Variants in WHRN observed in about 807,000 individuals in gnomAD.
The protein encoded by WHRN is whirlin.
In WHRN, 41 loss-of-function variants were observed where a neutral mutation model predicts 68.3. The observed-to-expected ratio is 0.60, with a 90% CI of 0.47 to 0.78. The LOEUF (loss-of-function observed/expected upper bound fraction) is 0.78. Among genes scored for constraint, WHRN ranks in the 30% least tolerant of loss-of-function variants. WHRN has a pLI of 0.00. For missense variants in WHRN, 1,243 were observed against 1,244.7 expected, an observed-to-expected ratio of 1.00 and a Z score of 0.02; for synonymous variants, 560 against 561.3, an observed-to-expected ratio of 1.00 and a Z score of 0.03.
At chr9:114,428,869 C>G (rs1837141435) in intron 3 of WHRN, among the ~76,000 whole-genome samples, 1 of 152,108 alleles carries the variant, frequency 6.6e-6, no homozygotes, top group Non-Finnish European at 1.5e-5. Flanking sequence ...CGTGAGCGAG[C>G]TAGCATCCTC....
At chr9:114,478,265 G>A (rs946128945) in intron 2 of WHRN, 6 of 663,166 alleles carry the variant, frequency 9.0e-6, no homozygotes, top group East Asian at 2.7e-5. Flanking sequence ...TCCAGCCTGG[G>A]CGACAGAGTG....
rs1840694003 is a variant in WHRN at position 114,466,374 on chromosome 9, C to T, written c.856G>A (p.Asp286Asn). The T allele has an allele frequency of 1.9e-6, 3 of 1,613,918 alleles. No homozygotes were observed. Among genetic ancestry groups the T allele is most frequent in the African/African-American group, 1.3e-5 (1 of 74,936 alleles). ...ATCGTGAGGCCCAGGGACCGGCCGTCCCCCAGCACCAGGTTCACCTGTCAG... is the reference window on the plus strand; with the variant it reads ...ATCGTGAGGCCCAGGGACCGGCCGTTCCCCAGCACCAGGTTCACCTGTCAG... ...DEKKVNLVLG[D>N]GRSLGLTIRG... is the part of the protein sequence containing the mutation. The change falls in exon 3 of 12, where the codon GAC becomes AAC. Residue 286 changes from aspartate (D) to asparagine (N), a missense_variant. Physicochemically the swap from Asp to Asn is conservative, Grantham distance 23 (BLOSUM62 1). Coordinates refer to ENST00000362057, the MANE Select transcript of WHRN (RefSeq NM_015404.4).
rs765079930 is a variant in WHRN, at chr9:114,403,244, C to A, written c.2514G>T (p.Gln838His). 2.0e-5 allele frequency: 32 copies of A among 1,614,078 alleles called. No individual in the cohort carries two copies. Among genetic ancestry groups the A allele is most frequent in the Non-Finnish European group, 2.5e-5 (30 of 1,180,038 alleles). The part of the protein sequence containing the change: ...IAIEGGANTR[Q>H]PLPRIVTIQR... Reference sequence around the variant, plus strand: ...GAATAGTGACAATCCTAGGCAGGGGCTGGCGGGTGTTGGCGCCACCCTCGA... The same window carrying A: ...GAATAGTGACAATCCTAGGCAGGGGATGGCGGGTGTTGGCGCCACCCTCGA... The change falls in exon 11 of 12, where the codon CAG becomes CAT. Residue 838 changes from glutamine (Q) to histidine (H), a missense_variant. Gln to His is a conservative substitution (Grantham distance 24). Coordinates refer to ENST00000362057, the MANE Select transcript of WHRN (RefSeq NM_015404.4).
intron 1 of WHRN, among the ~76,000 whole-genome samples, chr9:114,481,503 G>C (rs1842091608): frequency 6.6e-6 from 1 of 152,162 alleles, no homozygotes; most frequent in South Asian, 2.1e-4. Flanking sequence ...GAGCAAAGTG[G>C]AAAGTGGTTC....
intron 1 of WHRN, among the ~76,000 whole-genome samples, chr9:114,490,537 T>C (rs1842893315): frequency 7.4e-6 from 1 of 135,808 alleles, no homozygotes; most frequent in Non-Finnish European, 1.6e-5. Context: ...TTAAAAAAGA[T>C]ATAAAAACCA....
Position 114,504,169 on chromosome 9 carries a change from A to C in WHRN, c.618+15T>G. On this transcript the variant is annotated intron_variant, in intron 1 of 11. Coordinates refer to ENST00000362057, the MANE Select transcript of WHRN (RefSeq NM_015404.4). ...CCATACTCTGCCCCAGACTCTCTCC[A>C]AACCACAGCCTTACCTTGACGGCCT... 1 of 1,613,930 alleles carries C rather than the reference A, an allele frequency of 6.2e-7. No individual in the cohort carries two copies. The highest frequency in any genetic ancestry group is 8.5e-7 in the Non-Finnish European group (1 of 1,180,016).
chr9:114,464,156 T>A (rs1427320385), intron 3 of WHRN, among the ~76,000 whole-genome samples: 2 of 152,202 alleles, frequency 1.3e-5, no homozygotes, highest in Non-Finnish European at 2.9e-5. Context: ...CAACAGAACC[T>A]ACTTTCACGG....
chr9:114,411,906 G>C (rs1835466170), intron 7 of WHRN, among the ~76,000 whole-genome samples: 1 of 152,186 alleles, frequency 6.6e-6, no homozygotes, highest in South Asian at 2.1e-4. Context: ...ACAGGGCCTT[G>C]ATGTCATAGG....
At chr9:114,478,876 G>A (rs1423920170) in intron 1 of WHRN, 105 bp from the exon 2 acceptor site, 12 of 1,081,946 alleles carry the variant, frequency 1.1e-5, no homozygotes, top group Non-Finnish European at 1.5e-5. Flanking sequence ...GCCCCACATG[G>A]AAGAAGAGGC....
intron 2 of WHRN, among the ~76,000 whole-genome samples, chr9:114,473,845 A>G (rs1841441882): frequency 6.6e-6 from 1 of 152,226 alleles, no homozygotes; most frequent in African/African-American, 2.4e-5. Context: ...CTTCACAGTC[A>G]GAACTCAAGA....
At position 114,414,482 on chromosome 9, in the gene WHRN, C is replaced by T. The variant is rs544393261; in HGVS notation, c.1627-6464G>A. On this transcript the variant is annotated intron_variant, in intron 7 of 11. Transcript: ENST00000362057. ...GTCTATGGCACAGAAATGAGGAAGA[C>T]CCCCAGTCCTAAGTCAGTGCTTTGT... Among the ~76,000 whole-genome samples, 9 of 152,312 alleles carry T rather than the reference C, an allele frequency of 5.9e-5. No homozygotes were observed. In the South Asian group the frequency reaches 1.9e-3, roughly 32 times the overall value.
chr9:114,422,538 G>A (rs1195390462), intron 7 of WHRN, among the ~76,000 whole-genome samples: 1 of 152,198 alleles, frequency 6.6e-6, no homozygotes, highest in African/African-American at 2.4e-5. Context: ...GAGTCTGCAA[G>A]AGAGTCACGC....
rs578143135 is a variant in WHRN, at chr9:114,402,570, G to C, written c.*184C>G. 2.6e-6 allele frequency: 2 copies of C among 756,536 alleles called. No homozygotes were observed. The highest frequency in any genetic ancestry group is 5.3e-5 in the East Asian group (2 of 37,716). The allele number at this position is 756,536 out of a possible 1,614,324, so 46.9% of individuals were successfully genotyped here. On this transcript the variant is annotated 3_prime_UTR_variant, in exon 12 of 12. Transcript: ENST00000362057. ...GCACCAGTTCCTGACCTGACCTTCT[G>C]TCTGCCTTGTCCTGCTCTCTTCCTC...
At chr9:114,424,577 T>A in intron 5 of WHRN, 31 bp from the exon 6 acceptor site, 1 of 1,578,454 alleles carries the variant, frequency 6.3e-7, no homozygotes, top group East Asian at 2.4e-5. Context: ...AGCCCAGGAA[T>A]TCTTAGCTGC....
At chr9:114,467,840 G>A (rs983120249) in intron 2 of WHRN, among the ~76,000 whole-genome samples, 6 of 152,180 alleles carry the variant, frequency 3.9e-5, no homozygotes, top group African/African-American at 9.7e-5. Context: ...CCCAGTGACA[G>A]GTAAGGGATC....
intron 3 of WHRN, among the ~76,000 whole-genome samples, chr9:114,463,656 T>C (rs2132913227): frequency 6.6e-6 from 1 of 152,342 alleles, no homozygotes; most frequent in African/African-American, 2.4e-5. Flanking sequence ...ACAGGAACTC[T>C]CGGCAACTTT....
chr9:114,503,104 C>A, intron 1 of WHRN: 1 of 984,280 alleles, frequency 1.0e-6, no homozygotes, highest in Non-Finnish European at 1.2e-6. Context: ...GCTCAAGACT[C>A]ACCTGGACAC....
intron 3 of WHRN, 71 bp from the exon 4 acceptor site, chr9:114,426,484 A>G: frequency 6.4e-7 from 1 of 1,569,516 alleles, no homozygotes; most frequent in South Asian, 1.1e-5. Flanking sequence ...TTCACAGCCC[A>G]GATCCCAATT....
chr9:114,439,510 T>C (rs1838181973), intron 3 of WHRN, among the ~76,000 whole-genome samples: 2 of 152,160 alleles, frequency 1.3e-5, no homozygotes, highest in African/African-American at 4.8e-5. Context: ...GTTGAAGAAA[T>C]GGGAGAAGCT....
Sources: gnomAD v4.1 joint callset for allele counts (sites outside exome capture counted in the v4.1 genomes callset) on GRCh38, gnomAD v4.1.1 for gene constraint, MANE v1.5 for transcripts, NCBI Gene and HGNC (gene_info 2026-07-23, HGNC 2026-07-21) for gene names.